PRSS12: variants seen among roughly 807,000 people sequenced by gnomAD.
PRSS12 encodes serine protease 12.
In PRSS12, 85 loss-of-function variants were observed where a neutral mutation model predicts 104.4. That is an observed-to-expected ratio of 0.81 (90% CI 0.68 to 0.98). The LOEUF is 0.98. Among genes scored for constraint, PRSS12 ranks in the 50% least tolerant of loss-of-function variants. The probability of loss-of-function intolerance (pLI) is 0.00; values close to 1 mark genes in which losing one functional copy is unlikely to be tolerated. For missense variants in PRSS12, 1,141 were observed against 1,139.2 expected, an observed-to-expected ratio of 1.00 and a Z score of -0.02; for synonymous variants, 454 against 425.2, an observed-to-expected ratio of 1.07 and a Z score of -0.83.
intron 11 of PRSS12, among the ~76,000 whole-genome samples, chr4:118,294,196 A>G (rs1471788287): frequency 6.6e-6 from 1 of 152,246 alleles, no homozygotes; most frequent in Admixed American, 6.5e-5. Context: ...TCAAAACACA[A>G]AATTAAAATA....
At chr4:118,316,157 T>G in intron 6 of PRSS12, 25 bp downstream of exon 6, 2 of 1,613,474 alleles carry the variant, frequency 1.2e-6, no homozygotes, top group Non-Finnish European at 1.7e-6. Context: ...GGCATTTAAC[T>G]GCCTTTATAA....
chr4:118,308,352 G>C (rs1743610231), intron 8 of PRSS12, 84 bp downstream of exon 8: 3 of 1,558,926 alleles, frequency 1.9e-6, no homozygotes, highest in Non-Finnish European at 2.6e-6. Context: ...CTCATTTTAA[G>C]TAAAAAGTAA....
chr4:118,285,683 G>T (rs1742997511), intron 11 of PRSS12, among the ~76,000 whole-genome samples: 1 of 151,824 alleles, frequency 6.6e-6, no homozygotes, highest in African/African-American at 2.4e-5. Context: ...CTAAAATATT[G>T]TCCCTATAGA....
chr4:118,351,872 GCTAAT>G (rs1470298279), intron 1 of PRSS12, among the ~76,000 whole-genome samples: 1 of 152,004 alleles, frequency 6.6e-6, no homozygotes, highest in African/African-American at 2.4e-5. Context: ...CTCAACGTAA[GCTAAT>G]CTAGAGAACA....
intron 11 of PRSS12, among the ~76,000 whole-genome samples, chr4:118,286,723 C>A (rs1743023485): frequency 6.6e-6 from 1 of 152,116 alleles, no homozygotes; most frequent in Non-Finnish European, 1.5e-5. Flanking sequence ...AAAAAGAGAT[C>A]TTATCAATTA....
intron 11 of PRSS12, among the ~76,000 whole-genome samples, chr4:118,290,994 T>C (rs1490422109): frequency 1.3e-5 from 2 of 152,132 alleles, no homozygotes; most frequent in South Asian, 2.1e-4. Flanking sequence ...GAAAAAGGCA[T>C]GTAAGTACAA....
intron 3 of PRSS12, among the ~76,000 whole-genome samples, chr4:118,332,435 G>A (rs867880574): frequency 3.2e-4 from 48 of 152,092 alleles, no homozygotes; most frequent in African/African-American, 5.3e-4. Context: ...ATCCGTTTTC[G>A]CTGATAAGGA....
At chr4:118,329,262 C>A (rs1300550662) in intron 4 of PRSS12, among the ~76,000 whole-genome samples, 1 of 152,154 alleles carries the variant, frequency 6.6e-6, no homozygotes, top group Non-Finnish European at 1.5e-5. Flanking sequence ...CAGTGTGTCA[C>A]TTAAATGTTC....
At chr4:118,301,130 TCTTA>T (rs1426230275) in intron 8 of PRSS12, among the ~76,000 whole-genome samples, 3 of 152,180 alleles carry the variant, frequency 2.0e-5, no homozygotes, top group South Asian at 4.1e-4. Context: ...TTTATTTCTG[TCTTA>T]CTATTAGTGT....
At chr4:118,313,146 A>G in intron 7 of PRSS12, 55 bp downstream of exon 7, 1 of 1,590,670 alleles carries the variant, frequency 6.3e-7, no homozygotes, top group Non-Finnish European at 8.6e-7. Flanking sequence ...GCCAGTGGTT[A>G]GAGGTGCAAT....
intron 11 of PRSS12, among the ~76,000 whole-genome samples, chr4:118,287,894 C>T (rs184780880): frequency 9.2e-5 from 14 of 152,278 alleles, no homozygotes; most frequent in Non-Finnish European, 1.9e-4. Flanking sequence ...GAAATGCCTT[C>T]AACTCCCCCT....
rs572594315 is a variant in PRSS12, at chr4:118,342,240, T to C, written c.503-3926A>G. 5.9e-5 allele frequency among the ~76,000 whole-genome samples: 9 copies of C among 152,354 alleles called. No individual in the cohort carries two copies. In the East Asian group the frequency reaches 1.7e-3, roughly 29 times the overall value. ...AAAGCCCAAAGCTAACCAAGTGAAC[T>C]AATTTCTATTGCTGTACCTAACAAT... On this transcript the variant is annotated intron_variant, in intron 1 of 12. Coordinates refer to ENST00000296498, the MANE Select transcript of PRSS12 (RefSeq NM_003619.4).
rs140808893 is a variant in PRSS12, at chr4:118,304,138, G to T, written c.1631+4298C>A. ...TCTCTCTCCATGTACGTGTGTGTGT[G>T]TATCTGTATATATGCATACATGTGT... On this transcript the variant is annotated intron_variant, in intron 8 of 12. Transcript: ENST00000296498. Among the ~76,000 whole-genome samples the T allele has an allele frequency of 2.0e-4, 30 of 151,766 alleles. No homozygotes were observed. The East Asian group carries it at 3.9e-3, about 20-fold the overall frequency.
rs548349152 is a variant in PRSS12, at chr4:118,352,339, C to T, written c.382G>A (p.Ala128Thr). ...FLERSPPASW[A>T]QLRGQRHNFC... Reference sequence around the variant, plus strand: ...TTGTGGCGCTGTCCTCGCAGCTGAGCCCAGCTCGCTGGGGGCGACCGCTCC... The same window carrying T: ...TTGTGGCGCTGTCCTCGCAGCTGAGTCCAGCTCGCTGGGGGCGACCGCTCC... The change falls in exon 1 of 13, where the codon GCT becomes ACT. Residue 128 changes from alanine to threonine, a missense_variant. Transcript: ENST00000296498. 7 of 1,582,568 alleles carry T rather than the reference C, an allele frequency of 4.4e-6. No homozygotes were observed. Among genetic ancestry groups the T allele is most frequent in the Non-Finnish European group, 5.1e-6 (6 of 1,169,290 alleles).
intron 4 of PRSS12, 120 bp from the exon 5 acceptor site, chr4:118,318,676 G>A: frequency 3.1e-6 from 3 of 973,926 alleles, no homozygotes; most frequent in Non-Finnish European, 4.8e-6. Flanking sequence ...CACTTCACAG[G>A]TCATGCATGA....
At chr4:118,331,373 C>T (rs1723912966) in intron 4 of PRSS12, among the ~76,000 whole-genome samples, 1 of 152,188 alleles carries the variant, frequency 6.6e-6, no homozygotes, top group Admixed American at 6.5e-5. Flanking sequence ...ATTTGAGTTA[C>T]AAGCTAACAA....
chr4:118,314,304 T>G (rs995186833), intron 6 of PRSS12, among the ~76,000 whole-genome samples: 2 of 136,022 alleles, frequency 1.5e-5, no homozygotes, highest in African/African-American at 5.3e-5. Context: ...GACATGAATT[T>G]TCTTCTTTTT....
intron 7 of PRSS12, among the ~76,000 whole-genome samples, chr4:118,310,507 C>T (rs1743680744): frequency 6.6e-6 from 1 of 152,092 alleles, no homozygotes; most frequent in African/African-American, 2.4e-5. Context: ...GCCATCCATA[C>T]GTTGTCACTA....
intron 12 of PRSS12, 91 bp from the exon 13 acceptor site, chr4:118,282,334 A>G: frequency 1.3e-6 from 2 of 1,519,974 alleles, no homozygotes; most frequent in Non-Finnish European, 1.8e-6. Context: ...TGAAAATAAA[A>G]TCCCTGTTGT....
Sources: allele counts gnomAD v4.1 joint callset (sites outside exome capture counted in the v4.1 genomes callset), GRCh38; gene constraint gnomAD v4.1.1; transcripts MANE v1.5; gene names NCBI Gene and HGNC (gene_info 2026-07-23, HGNC 2026-07-21).